MITF: variants seen among roughly 807,000 people sequenced by gnomAD.
MITF encodes melanocyte inducing transcription factor.
MITF carries 17 observed loss-of-function variants against 60.5 expected under a neutral mutation model. That is an observed-to-expected ratio of 0.28 (90% confidence interval 0.19 to 0.42). The LOEUF (loss-of-function observed/expected upper bound fraction) is 0.42, where lower values mean the gene tolerates loss of function less well. Among genes scored for constraint, MITF ranks in the 10% least tolerant of loss-of-function variants. The pLI is 1.00. For synonymous variants in MITF, 260 were observed against 248.5 expected (o/e 1.05, Z -0.43); for missense variants, 622 against 683.5 (o/e 0.91, Z 1.00).
At chr3:69,836,114 T>C (rs2063536333) in intron 1 of MITF, among the ~76,000 whole-genome samples, 1 of 152,184 alleles carries the variant, frequency 6.6e-6, no homozygotes, top group East Asian at 1.9e-4. Flanking sequence ...ACATGGAATA[T>C]CTTTTCATTT....
chr3:69,802,174 T>G (rs1194118631), intron 1 of MITF, among the ~76,000 whole-genome samples: 1 of 152,114 alleles, frequency 6.6e-6, no homozygotes, highest in African/African-American at 2.4e-5. Context: ...TCTGGAGAGC[T>G]GTTTTTGGTG....
At chr3:69,844,648 T>A (rs888234995) in intron 1 of MITF, among the ~76,000 whole-genome samples, 2 of 152,172 alleles carry the variant, frequency 1.3e-5, no homozygotes, top group Non-Finnish European at 2.9e-5. Context: ...AAAGAGCTTC[T>A]GCACAGCAAA....
chr3:69,952,354 T>TA (rs200263138), intron 7 of MITF, among the ~76,000 whole-genome samples: 2,159 of 151,988 alleles, frequency 0.014, 23 homozygotes, highest in Middle Eastern at 0.051. Context: ...ATTCGTGACT[T>TA]AAAAAAAATA....
At chr3:69,929,676 A>G (rs12108174) in intron 2 of MITF, among the ~76,000 whole-genome samples, 2,320 of 152,088 alleles carry the variant, frequency 0.015, 24 homozygotes, top group Middle Eastern at 0.051. Flanking sequence ...TTTAGTTTCT[A>G]TAGAGAAATG....
intron 2 of MITF, among the ~76,000 whole-genome samples, chr3:69,930,720 G>A (rs967539173): frequency 3.9e-4 from 60 of 152,234 alleles, no homozygotes; most frequent in African/African-American, 1.3e-3. Context: ...TCCCTGGACC[G>A]GCTGGGTCAG....
intron 1 of MITF, among the ~76,000 whole-genome samples, chr3:69,858,993 A>T (rs958598287): frequency 2.6e-5 from 4 of 152,170 alleles, no homozygotes; most frequent in Non-Finnish European, 1.5e-5. Flanking sequence ...ATTCAATCAT[A>T]GTATTAATCT....
rs1029205995 is a variant in MITF at position 69,938,285 on chromosome 3, G to A, written c.582+236G>A. ...CCCTCTCCAAGTGAAATGTGGAGGCGAGGACACTTTTGCCACTTGCTTCTT... is the reference window on the plus strand; with the variant it reads ...CCCTCTCCAAGTGAAATGTGGAGGCAAGGACACTTTTGCCACTTGCTTCTT... On this transcript the variant is annotated intron_variant, in intron 3 of 9. Transcript: ENST00000352241. 2.2e-5 allele frequency: 30 copies of A among 1,394,130 alleles called. No individual in the cohort carries two copies. In the Middle Eastern group the frequency reaches 1.2e-3, roughly 57 times the overall value. The allele number at this position is 1,394,130 out of a possible 1,614,324, so 86.4% of individuals were successfully genotyped here.
intron 2 of MITF, among the ~76,000 whole-genome samples, chr3:69,897,975 T>C (rs116505162): frequency 0.013 from 1,906 of 152,312 alleles, 26 homozygotes; most frequent in Non-Finnish European, 0.014. Context: ...GTGCCAACAA[T>C]ATATAAGGCA....
chr3:69,769,450 G>A (rs1379056136), intron 1 of MITF: 1 of 145,348 alleles, frequency 6.9e-6, no homozygotes. Flanking sequence ...TTCACAAAGT[G>A]TAGTCGTTGC....
intron 1 of MITF, among the ~76,000 whole-genome samples, chr3:69,772,956 G>A (rs1261577373): frequency 3.3e-5 from 5 of 152,172 alleles, no homozygotes; most frequent in African/African-American, 9.7e-5. Flanking sequence ...AAATAAATAT[G>A]TGAATGAGTA....
intron 5 of MITF, among the ~76,000 whole-genome samples, chr3:69,947,696 G>A (rs1204903022): frequency 2.6e-5 from 4 of 152,090 alleles, no homozygotes; most frequent in Non-Finnish European, 5.9e-5. Context: ...CTGCTGGTCT[G>A]TCTGTCCTCC....
At chr3:69,860,554 C>T (rs1315111873) in intron 1 of MITF, among the ~76,000 whole-genome samples, 1 of 145,940 alleles carries the variant, frequency 6.9e-6, no homozygotes, top group African/African-American at 2.5e-5. Flanking sequence ...GCGGAGATCG[C>T]GCCACAGCAC....
intron 1 of MITF, among the ~76,000 whole-genome samples, chr3:69,783,599 A>T (rs1002227930): frequency 1.3e-5 from 2 of 151,948 alleles, no homozygotes; most frequent in Non-Finnish European, 2.9e-5. Flanking sequence ...CTAAGGACCT[A>T]CTTACTCTAA....
intron 1 of MITF, among the ~76,000 whole-genome samples, chr3:69,753,169 TC>T (rs1317231338): frequency 1.3e-5 from 2 of 152,180 alleles, no homozygotes; most frequent in Non-Finnish European, 2.9e-5. Context: ...TTGCTCCAGA[TC>T]CAGCTATGGC....
chr3:69,934,705 T>C (rs886919920), intron 2 of MITF, among the ~76,000 whole-genome samples: 5 of 152,236 alleles, frequency 3.3e-5, no homozygotes, highest in African/African-American at 1.2e-4. Context: ...GCACATTGTC[T>C]TTCAAAGAAG....
At chr3:69,784,143 T>C (rs1309262085) in intron 1 of MITF, among the ~76,000 whole-genome samples, 1 of 152,120 alleles carries the variant, frequency 6.6e-6, no homozygotes, top group Non-Finnish European at 1.5e-5. Flanking sequence ...AAGGAGCCAT[T>C]GGGGAAGAGT....
chr3:69,928,515 A>G (rs2065644685), intron 2 of MITF, among the ~76,000 whole-genome samples: 1 of 152,184 alleles, frequency 6.6e-6, no homozygotes. Context: ...CAGAATAAAG[A>G]GTGATGAGAG....
At chr3:69,879,020 T>A in intron 1 of MITF, 114 bp from the exon 2 acceptor site, 1 of 819,168 alleles carries the variant, frequency 1.2e-6, no homozygotes, top group Non-Finnish European at 2.1e-6. Context: ...TGTGACTTGA[T>A]TATATTTGCG....
chr3:69,808,074 T>C (rs191803300), intron 1 of MITF, among the ~76,000 whole-genome samples: 46 of 148,586 alleles, frequency 3.1e-4, no homozygotes, highest in African/African-American at 1.1e-3. Context: ...ACATAGTATG[T>C]ATTTATATAT....
Sources: allele counts gnomAD v4.1 joint callset (sites outside exome capture counted in the v4.1 genomes callset), GRCh38; gene constraint gnomAD v4.1.1; transcripts MANE v1.5; gene names NCBI Gene and HGNC (gene_info 2026-07-23, HGNC 2026-07-21).